Variants in TRHDE observed in about 807,000 individuals in gnomAD.
TRHDE encodes the protein thyrotropin-releasing hormone-degrading ectoenzyme.
Under a neutral mutation model 125.7 loss-of-function variants are expected in TRHDE, and 72 were observed. The observed-to-expected ratio is 0.57, with a 90% confidence interval of 0.47 to 0.70. TRHDE has a LOEUF of 0.70. TRHDE is among the 30% of genes least tolerant of loss of function. TRHDE has a pLI of 0.00. For synonymous variants in TRHDE, 509 were observed against 509.1 expected, an observed-to-expected ratio of 1.00 and a Z score of 0.00; for missense variants, 1,110 against 1,327.1, an observed-to-expected ratio of 0.84 and a Z score of 2.54.
intron 2 of TRHDE, among the ~76,000 whole-genome samples, chr12:72,182,838 A>G (rs929983000): frequency 2.0e-5 from 3 of 152,194 alleles, no homozygotes; most frequent in Non-Finnish European, 4.4e-5. Flanking sequence ...TACTCTTGAA[A>G]CAGGGAAAAT....
At chr12:72,154,706 A>T (rs1336911938) in intron 2 of TRHDE, among the ~76,000 whole-genome samples, 1 of 152,216 alleles carries the variant, frequency 6.6e-6, no homozygotes, top group Non-Finnish European at 1.5e-5. Context: ...TTCTTTAAGA[A>T]TGTTGAATAT....
At chr12:72,291,883 A>G (rs1196324937) in intron 2 of TRHDE, among the ~76,000 whole-genome samples, 1 of 152,200 alleles carries the variant, frequency 6.6e-6, no homozygotes, top group African/African-American at 2.4e-5. Context: ...TGTGTTTGCA[A>G]TGGAATTGAA....
intron 3 of TRHDE, among the ~76,000 whole-genome samples, chr12:72,405,218 C>T (rs182824973): frequency 3.3e-5 from 5 of 152,122 alleles, no homozygotes; most frequent in African/African-American, 9.7e-5. Flanking sequence ...CCCAAGACAT[C>T]GTAACTTGGC....
At chr12:72,594,344 C>T (rs933204483) in intron 12 of TRHDE, among the ~76,000 whole-genome samples, 3 of 151,774 alleles carry the variant, frequency 2.0e-5, no homozygotes, top group Non-Finnish European at 4.4e-5. Flanking sequence ...CTAGACCAGC[C>T]TGACCACTTC....
chr12:72,222,683 C>T (rs1311894644), intron 2 of TRHDE, among the ~76,000 whole-genome samples: 4 of 152,228 alleles, frequency 2.6e-5, no homozygotes, highest in South Asian at 4.1e-4. Flanking sequence ...GTGGATGTCA[C>T]GGCCTGAGTA....
chr12:72,623,386 G>C (rs1873129945), intron 15 of TRHDE, among the ~76,000 whole-genome samples: 1 of 151,768 alleles, frequency 6.6e-6, no homozygotes, highest in Admixed American at 6.6e-5. Context: ...TATTAAAATT[G>C]GACTCACACC....
rs144013826 is a variant in TRHDE at position 72,222,231 on chromosome 12, G to A, written n.279+116479G>A. On this transcript the variant is annotated intron_variant and non_coding_transcript_variant, in intron 2 of 4. Coordinates refer to the TRHDE transcript ENST00000548156. ...ATAGATCTGCTTTTCTGATGGAAGGGTTGTCAATATCAGGGTAAGAAGAGT... is the reference window on the plus strand; with the variant it reads ...ATAGATCTGCTTTTCTGATGGAAGGATTGTCAATATCAGGGTAAGAAGAGT... 2.0e-3 allele frequency among the ~76,000 whole-genome samples: 301 copies of A among 152,244 alleles called. 1 individual carries two copies. Among genetic ancestry groups the A allele is most frequent in the African/African-American group, 6.9e-3 (286 of 41,556 alleles).
intron 15 of TRHDE, among the ~76,000 whole-genome samples, chr12:72,646,363 C>T (rs1874280335): frequency 6.6e-6 from 1 of 151,436 alleles, no homozygotes; most frequent in African/African-American, 2.4e-5. Flanking sequence ...GAGGGAAAAA[C>T]AAATCACAGC....
At chr12:72,385,039 GT>G (rs1262568100) in intron 3 of TRHDE, among the ~76,000 whole-genome samples, 3 of 151,950 alleles carry the variant, frequency 2.0e-5, no homozygotes, top group Admixed American at 6.5e-5. Flanking sequence ...CTTTTCTTAT[GT>G]TTTTTAAAGT....
intron 5 of TRHDE, among the ~76,000 whole-genome samples, chr12:72,482,716 C>T (rs1390437258): frequency 6.6e-6 from 1 of 151,774 alleles, no homozygotes; most frequent in Non-Finnish European, 1.5e-5. Context: ...TTATAAGTTT[C>T]CTGATTAAAG....
At chr12:72,381,079 G>T (rs1372834253) in intron 3 of TRHDE, among the ~76,000 whole-genome samples, 1 of 152,110 alleles carries the variant, frequency 6.6e-6, no homozygotes, top group Non-Finnish European at 1.5e-5. Context: ...AATATCTGGA[G>T]ACATTTTTGT....
chr12:72,597,691 GT>G (rs1872005826), intron 12 of TRHDE, among the ~76,000 whole-genome samples: 1 of 58,692 alleles, frequency 1.7e-5, no homozygotes, highest in Admixed American at 2.0e-4. Flanking sequence ...ACTAAGAGAG[GT>G]ATATATATGT....
At chr12:72,548,685 TAAAAA>T (rs1052246387) in intron 7 of TRHDE, among the ~76,000 whole-genome samples, 1 of 151,716 alleles carries the variant, frequency 6.6e-6, no homozygotes, top group Non-Finnish European at 1.5e-5. Flanking sequence ...TTTCTGGAAA[TAAAAA>T]TTAAAGCTGT....
chr12:72,265,852 TAAG>T (rs1296897320), intron 2 of TRHDE, among the ~76,000 whole-genome samples: 5 of 151,856 alleles, frequency 3.3e-5, no homozygotes, highest in Non-Finnish European at 5.9e-5. Context: ...TCATTAAAAA[TAAG>T]AAAACACTGT....
At chr12:72,461,692 T>C (rs1452056749) in intron 3 of TRHDE, among the ~76,000 whole-genome samples, 1 of 152,086 alleles carries the variant, frequency 6.6e-6, no homozygotes, top group Non-Finnish European at 1.5e-5. Context: ...CCTATAATGT[T>C]TGTTGGCTCA....
chr12:72,152,489 A>G (rs1012059659), intron 2 of TRHDE, among the ~76,000 whole-genome samples: 1 of 152,100 alleles, frequency 6.6e-6, no homozygotes, highest in Non-Finnish European at 1.5e-5. Flanking sequence ...TTCAAAGGGA[A>G]TACTTCCAGT....
intron 9 of TRHDE, among the ~76,000 whole-genome samples, chr12:72,566,528 A>G (rs1870454872): frequency 6.6e-6 from 1 of 151,786 alleles, no homozygotes; most frequent in South Asian, 2.1e-4. Flanking sequence ...TGTATTTTAG[A>G]TATTTTTTTC....
intron 2 of TRHDE, among the ~76,000 whole-genome samples, chr12:72,204,961 T>C (rs965667627): frequency 6.6e-6 from 1 of 152,202 alleles, no homozygotes; most frequent in Non-Finnish European, 1.5e-5. Context: ...GGAAGGGTGC[T>C]AAATAAACTA....
intron 9 of TRHDE, among the ~76,000 whole-genome samples, chr12:72,564,761 A>G (rs1457973422): frequency 7.7e-6 from 1 of 130,572 alleles, no homozygotes; most frequent in East Asian, 2.4e-4. Context: ...TCCGCCTCCC[A>G]GGTTCACCCC....
Sources: gnomAD v4.1 joint callset for allele counts (sites outside exome capture counted in the v4.1 genomes callset) on GRCh38, gnomAD v4.1.1 for gene constraint, MANE v1.5 for transcripts, NCBI Gene and HGNC (gene_info 2026-07-23, HGNC 2026-07-21) for gene names.